Variants in ERBB4 observed in about 807,000 individuals in gnomAD.
ERBB4 encodes erb-b2 receptor tyrosine kinase 4, also known as receptor tyrosine-protein kinase erbB-4.
A neutral mutation model predicts 158.0 loss-of-function variants in ERBB4; 42 were observed. The observed-to-expected ratio is 0.27, with a 90% CI of 0.21 to 0.34. ERBB4 has a LOEUF of 0.34. ERBB4 is among the 10% of genes least tolerant of loss of function. The probability of loss-of-function intolerance (pLI) is 1.00; values close to 1 mark genes in which losing one functional copy is unlikely to be tolerated. For missense variants in ERBB4, 1,333 were observed against 1,624.1 expected (o/e 0.82, Z 3.08); for synonymous variants, 583 against 558.7 (o/e 1.04, Z -0.61).
chr2:212,456,335 T>G (rs1289292291), intron 1 of ERBB4, among the ~76,000 whole-genome samples: 1 of 152,084 alleles, frequency 6.6e-6, no homozygotes, highest in African/African-American at 2.4e-5. Context: ...TGTATTTCAG[T>G]CATCAGAAAA....
chr2:212,432,381 T>A (rs1268627131), intron 1 of ERBB4, among the ~76,000 whole-genome samples: 3 of 152,190 alleles, frequency 2.0e-5, no homozygotes, highest in Non-Finnish European at 2.9e-5. Flanking sequence ...GCTTTTAAGT[T>A]ACTTGTAATA....
chr2:211,997,665 T>C (rs1309735375), intron 2 of ERBB4, among the ~76,000 whole-genome samples: 2 of 151,986 alleles, frequency 1.3e-5, no homozygotes, highest in African/African-American at 4.8e-5. Flanking sequence ...ATTCCCTCTT[T>C]CCCGCTCCCT....
At chr2:211,646,926 C>T (rs1347311740) in intron 16 of ERBB4, among the ~76,000 whole-genome samples, 3 of 151,560 alleles carry the variant, frequency 2.0e-5, no homozygotes, top group African/African-American at 4.8e-5. Flanking sequence ...ATTTTAAATG[C>T]AAAAATTAGC....
intron 2 of ERBB4, among the ~76,000 whole-genome samples, chr2:212,121,174 A>T (rs919509143): frequency 2.0e-5 from 3 of 152,196 alleles, no homozygotes; most frequent in African/African-American, 7.2e-5. Flanking sequence ...AACTACTAAT[A>T]CTGAGCTCAC....
chr2:211,878,270 C>A (rs1413215355), intron 3 of ERBB4, among the ~76,000 whole-genome samples: 1 of 152,094 alleles, frequency 6.6e-6, no homozygotes, highest in Non-Finnish European at 1.5e-5. Context: ...CTCATTATAA[C>A]CATTTTCCAT....
At chr2:211,642,562 T>C (rs2070636224) in intron 16 of ERBB4, among the ~76,000 whole-genome samples, 1 of 152,170 alleles carries the variant, frequency 6.6e-6, no homozygotes, top group Non-Finnish European at 1.5e-5. Context: ...TAAGCAAGCA[T>C]ATTCAGAGAT....
intron 1 of ERBB4, among the ~76,000 whole-genome samples, chr2:212,211,629 A>AAACC (rs148929858): frequency 1.3e-5 from 2 of 148,556 alleles, no homozygotes; most frequent in Non-Finnish European, 1.5e-5. Context: ...AAAAAAAAAA[A>AAACC]TGGATACATG....
intron 2 of ERBB4, among the ~76,000 whole-genome samples, chr2:212,020,658 G>T (rs773372221): frequency 1.3e-5 from 2 of 151,988 alleles, no homozygotes; most frequent in Non-Finnish European, 2.9e-5. Flanking sequence ...CATACACTAA[G>T]AATAAAATAC....
chr2:211,921,674 G>C (rs1450394768), intron 3 of ERBB4, among the ~76,000 whole-genome samples: 1 of 152,052 alleles, frequency 6.6e-6, no homozygotes, highest in East Asian at 1.9e-4. Flanking sequence ...GAAGGCAGGA[G>C]AGGGAGTGCT....
chr2:212,233,977 T>TATG (rs1337225192), intron 1 of ERBB4, among the ~76,000 whole-genome samples: 15 of 148,658 alleles, frequency 1.0e-4, no homozygotes, highest in Admixed American at 6.7e-4. Flanking sequence ...TTATTATTAT[T>TATG]ATTATTATTA....
chr2:211,925,421 C>T (rs989982126), intron 3 of ERBB4, among the ~76,000 whole-genome samples: 2 of 122,724 alleles, frequency 1.6e-5, no homozygotes, highest in African/African-American at 3.4e-5. Flanking sequence ...CTTGCTCTGT[C>T]CCCAGGCTGG....
At chr2:212,018,964 G>T (rs1043402146) in intron 2 of ERBB4, among the ~76,000 whole-genome samples, 16 of 152,010 alleles carry the variant, frequency 1.1e-4, no homozygotes, top group African/African-American at 3.6e-4. Context: ...AAAAAGTGAG[G>T]GGGAGCGGTG....
chr2:211,770,384 T>A (rs12464931), intron 4 of ERBB4, among the ~76,000 whole-genome samples: 4,059 of 152,328 alleles, frequency 0.027, 240 homozygotes, highest in East Asian at 0.19. Context: ...TAATTCTTTT[T>A]TAAAAACTCA....
intron 1 of ERBB4, among the ~76,000 whole-genome samples, chr2:212,252,226 A>G (rs1226221418): frequency 6.6e-6 from 1 of 152,082 alleles, no homozygotes; most frequent in African/African-American, 2.4e-5. Context: ...GATGGATATG[A>G]CTGTAGATAG....
At chr2:211,626,948 A>T (rs576221334) in intron 17 of ERBB4, among the ~76,000 whole-genome samples, 35 of 32,662 alleles carry the variant, frequency 1.1e-3, no homozygotes, top group African/African-American at 2.4e-3. Flanking sequence ...AAAAATAAAT[A>T]AAAAAAATAA....
chr2:211,863,628 A>T (rs147085749), intron 3 of ERBB4, among the ~76,000 whole-genome samples: 2,233 of 152,286 alleles, frequency 0.015, 67 homozygotes, highest in African/African-American at 0.052. Flanking sequence ...TCCTGAAGTC[A>T]GTGAGACCAG....
chr2:211,807,441 G>C (rs974340676), intron 3 of ERBB4, among the ~76,000 whole-genome samples: 1 of 152,138 alleles, frequency 6.6e-6, no homozygotes, highest in African/African-American at 2.4e-5. Flanking sequence ...ATGGTTTCTA[G>C]CTTCATCCAT....
intron 1 of ERBB4, among the ~76,000 whole-genome samples, chr2:212,406,649 C>T (rs2091352435): frequency 6.6e-6 from 1 of 152,082 alleles, no homozygotes; most frequent in East Asian, 1.9e-4. Flanking sequence ...GCCTTTGTTG[C>T]TCACTGTTAA....
chr2:211,787,103 T>C (rs116739793), intron 4 of ERBB4, among the ~76,000 whole-genome samples: 1,857 of 152,294 alleles, frequency 0.012, 41 homozygotes, highest in African/African-American at 0.042. Flanking sequence ...CCTTGGAGTT[T>C]GATTTTTCAC....
Sources: gnomAD v4.1 joint callset for allele counts (sites outside exome capture counted in the v4.1 genomes callset) on GRCh38, gnomAD v4.1.1 for gene constraint, MANE v1.5 for transcripts, NCBI Gene and HGNC (gene_info 2026-07-23, HGNC 2026-07-21) for gene names.